Variants in PTK2 observed in about 807,000 individuals in gnomAD.
PTK2 encodes the protein focal adhesion kinase 1.
PTK2 carries 45 observed loss-of-function variants against 150.1 expected under a neutral mutation model. That is an observed-to-expected ratio of 0.30 (90% CI 0.24 to 0.38). PTK2 has a LOEUF of 0.38. Ranked by LOEUF, PTK2 falls within the 10% of genes least tolerant of loss-of-function variation. The probability of loss-of-function intolerance (pLI) is 1.00; values close to 1 mark genes in which losing one functional copy is unlikely to be tolerated. For missense variants in PTK2, 919 were observed against 1,307.3 expected (o/e 0.70, Z 4.58); for synonymous variants, 432 against 449.2 (o/e 0.96, Z 0.48).
At chr8:140,823,667 A>AC (rs2100110196) in intron 8 of PTK2, among the ~76,000 whole-genome samples, 1 of 151,768 alleles carries the variant, frequency 6.6e-6, no homozygotes, top group East Asian at 1.9e-4. Context: ...TCTTTCCTAT[A>AC]CCCCTTCCCT....
At chr8:140,920,863 G>T in intron 2 of PTK2, 1 of 1,528,928 alleles carries the variant, frequency 6.5e-7, no homozygotes, top group South Asian at 1.2e-5. Flanking sequence ...TCTCCATATA[G>T]ATGGCACCTG....
Position 140,669,301 on chromosome 8 carries a change from G to GTATGTGTATA in PTK2, c.2710-878_2710-877insTATACACATA, listed in dbSNP as rs547959878. ...GTTAGAATTACACCAGCATAAAATG[G>GTATGTGTATA]TATATATATATATATATATATATAT... On this transcript the variant is annotated intron_variant, in intron 29 of 31. Transcript: ENST00000522684. The GTATGTGTATA allele has an allele frequency of 9.9e-4, 97 of 97,986 alleles. 1 individual carries two copies. The highest frequency in any genetic ancestry group is 4.4e-3 in the African/African-American group (94 of 21,494). 6.1% of individuals were successfully genotyped at this position (97,986 alleles called of 1,614,324 possible).
intron 18 of PTK2, among the ~76,000 whole-genome samples, chr8:140,746,129 C>G (rs1445083603): frequency 4.6e-5 from 7 of 152,118 alleles, no homozygotes; most frequent in African/African-American, 1.7e-4. Flanking sequence ...CCAAGGAGCT[C>G]AAGACCAGCC....
At chr8:140,894,271 C>A (rs1045747200) in intron 2 of PTK2, among the ~76,000 whole-genome samples, 2 of 152,168 alleles carry the variant, frequency 1.3e-5, no homozygotes, top group Admixed American at 6.5e-5. Context: ...AGGGCCCTCA[C>A]CAGAACTCCA....
intron 23 of PTK2, among the ~76,000 whole-genome samples, chr8:140,707,304 G>A (rs1047106031): frequency 3.9e-5 from 6 of 152,160 alleles, no homozygotes; most frequent in South Asian, 2.1e-4. Context: ...TTGGGAGGCC[G>A]AGGTGGATCA....
intron 13 of PTK2, among the ~76,000 whole-genome samples, chr8:140,790,510 T>A (rs930400783): frequency 3.3e-5 from 5 of 152,186 alleles, no homozygotes; most frequent in Admixed American, 3.3e-4. Flanking sequence ...ACACATGAGG[T>A]CACATGAGGT....
chr8:140,880,182 C>A (rs554754362), intron 3 of PTK2, among the ~76,000 whole-genome samples: 1 of 152,298 alleles, frequency 6.6e-6, no homozygotes, highest in African/African-American at 2.4e-5. Flanking sequence ...TCTTTGAATT[C>A]GGGCCTAATC....
At chr8:140,688,877 T>A (rs1313304099) in intron 26 of PTK2, among the ~76,000 whole-genome samples, 1 of 152,222 alleles carries the variant, frequency 6.6e-6, no homozygotes, top group African/African-American at 2.4e-5. Flanking sequence ...GTGATATATA[T>A]AACTAATGCC....
At position 140,825,634 on chromosome 8, in the gene PTK2, T is replaced by C. The variant is rs190163688; in HGVS notation, c.648+4838A>G. On this transcript the variant is annotated intron_variant, in intron 8 of 31. Coordinates refer to ENST00000522684, the Ensembl canonical transcript of PTK2. The stretch of plus-strand genomic sequence containing the variant: ...ATGCCAGTATGGGGAGCACCCTTGG[T>C]ACCCACTGGTAGGACAACATTCACT... Among the ~76,000 whole-genome samples the C allele has an allele frequency of 1.8e-3, 271 of 152,362 alleles. 1 individual carries two copies. The highest frequency in any genetic ancestry group is 2.7e-3 in the Non-Finnish European group (182 of 68,030).
chr8:140,726,093 A>G (rs2100045611), intron 22 of PTK2, among the ~76,000 whole-genome samples: 1 of 152,214 alleles, frequency 6.6e-6, no homozygotes, highest in Non-Finnish European at 1.5e-5. Flanking sequence ...TATGAAATAA[A>G]ATCTCCATTG....
At chr8:140,777,222 T>G (rs1378212872) in intron 14 of PTK2, among the ~76,000 whole-genome samples, 2 of 152,240 alleles carry the variant, frequency 1.3e-5, no homozygotes. Flanking sequence ...GGTTCACAGT[T>G]CTGCCAGCTT....
At chr8:140,701,803 T>C (rs1337119225) in intron 25 of PTK2, among the ~76,000 whole-genome samples, 1 of 152,026 alleles carries the variant, frequency 6.6e-6, no homozygotes, top group African/African-American at 2.4e-5. Context: ...AGCATTTGAG[T>C]AGATGGGGTA....
chr8:140,896,597 C>T lies in PTK2; in HGVS notation c.-32-5828G>A, dbSNP rs113627255. On this transcript the variant is annotated intron_variant, in intron 2 of 31. Transcript: ENST00000522684. Reference sequence around the variant, plus strand: ...ATTCATGATAAAAACTCGCAGCAAACTAGAAATAGGATGAGATTTCATATA... The same window carrying T: ...ATTCATGATAAAAACTCGCAGCAAATTAGAAATAGGATGAGATTTCATATA... 6.6e-5 allele frequency among the ~76,000 whole-genome samples: 10 copies of T among 152,214 alleles called. 2 individuals carry two copies. Among genetic ancestry groups the T allele is most frequent in the African/African-American group, 2.4e-4 (10 of 41,542 alleles).
intron 23 of PTK2, among the ~76,000 whole-genome samples, chr8:140,711,470 C>A (rs189200134): frequency 2.0e-5 from 3 of 152,302 alleles, no homozygotes; most frequent in Admixed American, 2.0e-4. Flanking sequence ...ACAATAAAAT[C>A]CCTGTCACTT....
At chr8:140,688,986 C>G (rs1052866335) in intron 26 of PTK2, among the ~76,000 whole-genome samples, 9 of 152,170 alleles carry the variant, frequency 5.9e-5, no homozygotes, top group African/African-American at 2.2e-4. Context: ...TAGATATAGA[C>G]AGCTGTGGCT....
At chr8:140,989,105 C>T (rs2100194555) in intron 1 of PTK2, among the ~76,000 whole-genome samples, 1 of 147,998 alleles carries the variant, frequency 6.8e-6, no homozygotes, top group African/African-American at 2.5e-5. Flanking sequence ...AGGCTGGGCA[C>T]AGCGGCTCAC....
chr8:140,926,908 G>A (rs192057386), intron 1 of PTK2, among the ~76,000 whole-genome samples: 18 of 152,138 alleles, frequency 1.2e-4, no homozygotes, highest in Admixed American at 3.3e-4. Flanking sequence ...GTATTTTTAC[G>A]GACTCTAATT....
At chr8:140,907,164 T>C (rs192424984) in intron 2 of PTK2, among the ~76,000 whole-genome samples, 22 of 152,306 alleles carry the variant, frequency 1.4e-4, no homozygotes, top group African/African-American at 4.8e-4. Flanking sequence ...TTCCAACACA[T>C]GCTTGCTTTA....
intron 1 of PTK2, among the ~76,000 whole-genome samples, chr8:140,992,688 G>C (rs2100196201): frequency 6.6e-6 from 1 of 152,206 alleles, no homozygotes. Flanking sequence ...ACTATAGCAA[G>C]ACTATGGTGG....
Sources: allele counts gnomAD v4.1 joint callset (sites outside exome capture counted in the v4.1 genomes callset), GRCh38; gene constraint gnomAD v4.1.1; transcripts MANE v1.5; gene names NCBI Gene and HGNC (gene_info 2026-07-23, HGNC 2026-07-21).